Variants in SELENOI observed in about 807,000 individuals in gnomAD.
SELENOI encodes the protein ethanolaminephosphotransferase 1.
A neutral mutation model predicts 50.7 loss-of-function variants in SELENOI; 24 were observed. That is an observed-to-expected ratio of 0.47 (90% CI 0.34 to 0.67). SELENOI has a LOEUF of 0.67. Among genes scored for constraint, SELENOI ranks in the 30% least tolerant of loss-of-function variants. SELENOI has a pLI of 0.01. For synonymous variants in SELENOI, 155 were observed against 170.2 expected (o/e 0.91, Z 0.70); for missense variants, 352 against 461.4 (o/e 0.76, Z 2.17).
chr2:26,367,551 C>G (rs1380656626), intron 4 of SELENOI, among the ~76,000 whole-genome samples: 1 of 152,154 alleles, frequency 6.6e-6, no homozygotes, highest in Non-Finnish European at 1.5e-5. Flanking sequence ...GCTATAAAGA[C>G]ACAGTTGAAT....
chr2:26,349,447 C>T (rs1676903953), intron 1 of SELENOI, among the ~76,000 whole-genome samples: 2 of 151,844 alleles, frequency 1.3e-5, no homozygotes, highest in South Asian at 2.1e-4. Context: ...GCTGGGATTA[C>T]AGGCGCCTGC....
intron 7 of SELENOI, among the ~76,000 whole-genome samples, chr2:26,384,704 A>G (rs190721705): frequency 6.6e-6 from 1 of 152,346 alleles, no homozygotes; most frequent in East Asian, 1.9e-4. Context: ...AGAGAAAAAA[A>G]TGGGATTAGA....
At chr2:26,384,917 T>C (rs1320448218) in intron 7 of SELENOI, 42 bp from the exon 8 acceptor site, 7 of 1,412,480 alleles carry the variant, frequency 5.0e-6, no homozygotes, top group Non-Finnish European at 6.8e-6. Flanking sequence ...GTACAATTTA[T>C]ATGTAATAAT....
intron 1 of SELENOI, among the ~76,000 whole-genome samples, chr2:26,360,840 G>A (rs985594526): frequency 2.6e-5 from 4 of 152,124 alleles, no homozygotes; most frequent in African/African-American, 4.8e-5. Flanking sequence ...CTTAAATTCA[G>A]GCAGTCCTGT....
At chr2:26,374,650 C>T (rs939450607) in intron 5 of SELENOI, among the ~76,000 whole-genome samples, 2 of 148,700 alleles carry the variant, frequency 1.3e-5, no homozygotes, top group Non-Finnish European at 3.0e-5. Flanking sequence ...CTCACCGCAA[C>T]CTCTGCCTCC....
chr2:26,355,812 C>T (rs866182739), intron 1 of SELENOI, among the ~76,000 whole-genome samples: 7 of 151,856 alleles, frequency 4.6e-5, no homozygotes, highest in African/African-American at 1.5e-4. Flanking sequence ...ACTATCACGG[C>T]TCACTGTAGC....
intron 4 of SELENOI, among the ~76,000 whole-genome samples, chr2:26,371,395 C>T (rs535378683): frequency 2.6e-5 from 4 of 151,272 alleles, no homozygotes; most frequent in African/African-American, 4.9e-5. Context: ...CGGGCAGAGA[C>T]GCTCCTCACT....
chr2:26,388,945 T>C (rs1470249177), intron 9 of SELENOI, 60 bp from the exon 10 acceptor site: 2 of 1,300,370 alleles, frequency 1.5e-6, no homozygotes, highest in Admixed American at 2.0e-5. Context: ...AAATTCTGTG[T>C]GCTTTTAAAA....
chr2:26,364,762 G>A (rs1159471829), intron 2 of SELENOI, 70 bp from the exon 3 acceptor site: 28 of 1,048,778 alleles, frequency 2.7e-5, no homozygotes, highest in Non-Finnish European at 3.9e-5. Flanking sequence ...ACTTCAGTTT[G>A]CATGTTGTAG....
chr2:26,359,583 C>CAGTGAG (rs1677132923), intron 1 of SELENOI, among the ~76,000 whole-genome samples: 1 of 151,928 alleles, frequency 6.6e-6, no homozygotes. Flanking sequence ...GCAGAGGTTG[C>CAGTGAG]AGTGAGCTGA....
chr2:26,384,464 C>G (rs1677797617), intron 7 of SELENOI, among the ~76,000 whole-genome samples: 1 of 152,190 alleles, frequency 6.6e-6, no homozygotes, highest in Non-Finnish European at 1.5e-5. Context: ...GTATAACCTC[C>G]TGTGTGCTTA....
intron 1 of SELENOI, among the ~76,000 whole-genome samples, chr2:26,350,576 C>CA (rs1676935577): frequency 6.6e-6 from 1 of 152,196 alleles, no homozygotes; most frequent in Non-Finnish European, 1.5e-5. Context: ...TACTCAGTGT[C>CA]AGGCATAGCA....
intron 7 of SELENOI, among the ~76,000 whole-genome samples, chr2:26,384,663 T>A (rs1326178430): frequency 6.6e-6 from 1 of 152,194 alleles, no homozygotes; most frequent in Admixed American, 6.5e-5. Context: ...ATCTTTATAT[T>A]CTTAGCACAG....
chr2:26,368,975 C>G lies in SELENOI; in HGVS notation c.310+1755C>G, dbSNP rs542851339. 7.2e-4 allele frequency among the ~76,000 whole-genome samples: 110 copies of G among 152,286 alleles called. 1 individual carries two copies. The highest frequency in any genetic ancestry group is 2.5e-3 in the African/African-American group (103 of 41,560). ...ACAATATATTATGCCACAGACTGAT[C>G]TAGGCACTGGGGAATGTACTTTGGT... On this transcript the variant is annotated intron_variant, in intron 4 of 9. Transcript: ENST00000260585.
At chr2:26,364,442 T>A in intron 2 of SELENOI, 72 bp downstream of exon 2, 1 of 991,380 alleles carries the variant, frequency 1.0e-6, no homozygotes, top group Non-Finnish European at 1.5e-6. Context: ...TTATGGAGTA[T>A]TATAAATGCA....
chr2:26,378,143 G>A (rs1270063525), intron 6 of SELENOI, among the ~76,000 whole-genome samples: 3 of 152,050 alleles, frequency 2.0e-5, no homozygotes, highest in Admixed American at 6.5e-5. Flanking sequence ...GGGCAAAGTC[G>A]ATACTGAGAT....
rs145573347 is a variant in SELENOI, at chr2:26,347,350, C to T, written c.57+1061C>T. Among the ~76,000 whole-genome samples, 14 of 151,790 alleles carry T rather than the reference C, an allele frequency of 9.2e-5. No individual in the cohort carries two copies. In the East Asian group the frequency reaches 2.5e-3, roughly 27 times the overall value. On this transcript the variant is annotated intron_variant, in intron 1 of 9. Transcript: ENST00000260585. ...GGACCATCATGGCTTAAGCACAGTG[C>T]TATGTGCATACTAGGCACCCAGTAA...
At chr2:26,371,689 T>G (rs902698634) in intron 4 of SELENOI, among the ~76,000 whole-genome samples, 1 of 152,112 alleles carries the variant, frequency 6.6e-6, no homozygotes, top group Non-Finnish European at 1.5e-5. Context: ...CGAAACCCCG[T>G]CTCCACCAAA....
At position 26,383,313 on chromosome 2, in the gene SELENOI, G is replaced by A. The variant is rs903407761; in HGVS notation, c.697G>A (p.Val233Met). Residue 233 changes from valine to methionine, a missense_variant, in exon 7 of 10, where the codon GTG becomes ATG. Coordinates refer to ENST00000260585, the MANE Select transcript of SELENOI (RefSeq NM_033505.4). ...TAMIIGCALC[V>M]TLPMSLLNFF... ...ATTCCCTTTAGGTTGTGCATTATGT[G>A]TGACTCTTCCAATGAGTTTATTAAA... 3 of 1,538,826 alleles carry A rather than the reference G, an allele frequency of 1.9e-6. No homozygotes were observed. Among genetic ancestry groups the A allele is most frequent in the Non-Finnish European group, 2.6e-6 (3 of 1,132,940 alleles).
Sources: allele counts gnomAD v4.1 joint callset (sites outside exome capture counted in the v4.1 genomes callset), GRCh38; gene constraint gnomAD v4.1.1; transcripts MANE v1.5; gene names NCBI Gene and HGNC (gene_info 2026-07-23, HGNC 2026-07-21).